Variants in SLC25A18 observed in about 807,000 individuals in gnomAD.
The protein encoded by SLC25A18 is solute carrier family 25 member 18, also known as mitochondrial glutamate carrier 2.
Under a neutral mutation model 31.1 loss-of-function variants are expected in SLC25A18, and 24 were observed. That is an observed-to-expected ratio of 0.77 (90% CI 0.56 to 1.08). SLC25A18 has a LOEUF of 1.08. Among genes scored for constraint, SLC25A18 ranks in the 50% least tolerant of loss-of-function variants. SLC25A18 has a pLI of 0.00. For synonymous variants in SLC25A18, 173 were observed against 161.9 expected (o/e 1.07, Z -0.52); for missense variants, 371 against 418.5 (o/e 0.89, Z 0.99).
intron 2 of SLC25A18, among the ~76,000 whole-genome samples, chr22:17,575,346 T>A (rs971113086): frequency 6.6e-6 from 1 of 152,184 alleles, no homozygotes; most frequent in African/African-American, 2.4e-5. Flanking sequence ...ATAAGTCACC[T>A]CATTAGAAGC....
chr22:17,589,720 G>A (rs1826755677), intron 10 of SLC25A18, 55 bp downstream of exon 10: 2 of 1,550,524 alleles, frequency 1.3e-6, no homozygotes, highest in Non-Finnish European at 1.8e-6. Context: ...CTGCGTGGGT[G>A]TCTGCCTAGA....
chr22:17,573,698 C>T (rs1245484514), intron 2 of SLC25A18, among the ~76,000 whole-genome samples: 1 of 152,150 alleles, frequency 6.6e-6, no homozygotes, highest in East Asian at 1.9e-4. Flanking sequence ...TTGCATCCTT[C>T]ATTCCTCACC....
At chr22:17,576,635 T>C (rs2057236437) in intron 2 of SLC25A18, among the ~76,000 whole-genome samples, 1 of 152,208 alleles carries the variant, frequency 6.6e-6, no homozygotes. Flanking sequence ...GGTTTCGCCT[T>C]TGTTGCCTGT....
chr22:17,579,063 T>TTTTG (rs695243), intron 2 of SLC25A18, among the ~76,000 whole-genome samples: 2,629 of 150,124 alleles, frequency 0.018, 24 homozygotes, highest in African/African-American at 0.019. Context: ...TAAGTGGGTT[T>TTTTG]TTTGTTTGTT....
intron 2 of SLC25A18, among the ~76,000 whole-genome samples, chr22:17,574,406 T>G (rs1235764686): frequency 6.6e-6 from 1 of 152,176 alleles, no homozygotes. Flanking sequence ...AACCTGCCTT[T>G]GCAGCCTCCT....
chr22:17,588,418 T>C (rs1486230226), intron 9 of SLC25A18: 1 of 256,666 alleles, frequency 3.9e-6, no homozygotes, highest in Non-Finnish European at 7.4e-6. Flanking sequence ...AGCCCAGCAC[T>C]TTTGGATCAC....
intron 3 of SLC25A18, chr22:17,580,173 TTTAA>T (rs2057336381): frequency 2.2e-6 from 1 of 455,310 alleles, no homozygotes; most frequent in Non-Finnish European, 3.8e-6. Context: ...TTCAACATAG[TTTAA>T]TTGTTTGGGT....
In SLC25A18 at chr22:17,571,848, G is replaced by A. The variant is rs147228430; in HGVS notation, c.-201+1862G>A. ...ACCCTGGCCAACATGGTGAAACCCC[G>A]TATTTACTAAAATACAAAAATTAGC... On this transcript the variant is annotated intron_variant, in intron 2 of 10. Transcript: ENST00000327451. Among the ~76,000 whole-genome samples the A allele has an allele frequency of 2.9e-3, 438 of 151,490 alleles. 2 individuals are homozygous for A. Among genetic ancestry groups the A allele is most frequent in the Middle Eastern group, 0.017 (5 of 294 alleles).
At chr22:17,568,381 A>AG (rs2056994707) in intron 1 of SLC25A18, among the ~76,000 whole-genome samples, 1 of 149,162 alleles carries the variant, frequency 6.7e-6, no homozygotes, top group African/African-American at 2.5e-5. Flanking sequence ...AAAAAAAAAA[A>AG]GGCAGATGAG....
At chr22:17,588,964 T>G (rs2057634133) in intron 9 of SLC25A18, 1 of 150,728 alleles carries the variant, frequency 6.6e-6, no homozygotes, top group African/African-American at 2.4e-5. Context: ...CTCGGGAGGC[T>G]GAGGTGGCAA....
chr22:17,564,156 G>A (rs1257701547), intron 1 of SLC25A18, among the ~76,000 whole-genome samples: 1 of 152,220 alleles, frequency 6.6e-6, no homozygotes, highest in Non-Finnish European at 1.5e-5. Flanking sequence ...TATGTCCAGT[G>A]TGATGCTAAA....
chr22:17,564,386 TGTAACTA>T (rs1380417087), intron 1 of SLC25A18, among the ~76,000 whole-genome samples: 1 of 152,194 alleles, frequency 6.6e-6, no homozygotes, highest in Non-Finnish European at 1.5e-5. Flanking sequence ...AGCTCTCTCT[TGTAACTA>T]GCAACAGATG....
At chr22:17,568,400 A>G (rs1350449593) in intron 1 of SLC25A18, among the ~76,000 whole-genome samples, 1 of 150,822 alleles carries the variant, frequency 6.6e-6, no homozygotes, top group Non-Finnish European at 1.5e-5. Flanking sequence ...AGAATAAAGG[A>G]AGGAGGAAGG....
chr22:17,564,856 C>G (rs2056892091), intron 1 of SLC25A18, among the ~76,000 whole-genome samples: 1 of 42,492 alleles, frequency 2.4e-5, no homozygotes. Flanking sequence ...GACTCTGTCT[C>G]CAAAAAAAAA....
chr22:17,589,007 T>C (rs1458382822), intron 9 of SLC25A18: 1 of 147,376 alleles, frequency 6.8e-6, no homozygotes, highest in Non-Finnish European at 1.5e-5. Flanking sequence ...GAGGCTGCAG[T>C]GAGCTGATTG....
chr22:17,573,249 G>C (rs571029150), intron 2 of SLC25A18, among the ~76,000 whole-genome samples: 1 of 152,240 alleles, frequency 6.6e-6, no homozygotes, highest in East Asian at 1.9e-4. Context: ...AAACAGACAG[G>C]GTGGGCCACA....
Position 17,589,620 on chromosome 22 carries a change from A to G in SLC25A18, c.761A>G (p.Lys254Arg), listed in dbSNP as rs2057660357. Residue 254 changes from lysine to arginine, a missense_variant, in exon 10 of 11, where the codon AAA becomes AGA. Coordinates refer to ENST00000327451, the MANE Select transcript of SLC25A18 (RefSeq NM_031481.3). ...AAAACTCGAATCCAAACCCTCAAGAAAGGCCTGGGCGAGGACATGTACAGT... is the reference window on the plus strand; with the variant it reads ...AAAACTCGAATCCAAACCCTCAAGAGAGGCCTGGGCGAGGACATGTACAGT... ...VLKTRIQTLK[K>R]GLGEDMYSGI... 6.2e-7 allele frequency: 1 copy of G among 1,614,014 alleles called. No homozygotes were observed. The highest frequency in any genetic ancestry group is 1.3e-5 in the African/African-American group (1 of 74,910).
At chr22:17,587,342 G>A in intron 8 of SLC25A18, 41 bp downstream of exon 8, 1 of 1,567,760 alleles carries the variant, frequency 6.4e-7, no homozygotes. Flanking sequence ...GTGCACGGGG[G>A]AGGGCACGAG....
intron 2 of SLC25A18, among the ~76,000 whole-genome samples, chr22:17,577,056 T>C (rs1231693759): frequency 6.6e-6 from 1 of 151,160 alleles, no homozygotes; most frequent in African/African-American, 2.4e-5. Context: ...AGAGTCTCAC[T>C]GTGTCACCCA....
Sources: allele counts gnomAD v4.1 joint callset (sites outside exome capture counted in the v4.1 genomes callset), GRCh38; gene constraint gnomAD v4.1.1; transcripts MANE v1.5; gene names NCBI Gene and HGNC (gene_info 2026-07-23, HGNC 2026-07-21).